The following KREMEN2 variants were observed in gnomAD, a reference collection of about 807,000 sequenced individuals.
KREMEN2 encodes kringle containing transmembrane protein 2.
KREMEN2 carries 43 observed loss-of-function variants against 49.8 expected under a neutral mutation model. That is an observed-to-expected ratio of 0.86 (90% CI 0.68 to 1.11). The LOEUF (loss-of-function observed/expected upper bound fraction) is 1.11, where lower values mean the gene tolerates loss of function less well. Ranked by LOEUF, KREMEN2 falls within the 50% of genes most tolerant of loss-of-function variation. The probability of loss-of-function intolerance (pLI) is 0.00; values close to 1 mark genes in which losing one functional copy is unlikely to be tolerated. For synonymous variants in KREMEN2, 355 were observed against 304.9 expected (o/e 1.16, Z -1.71); for missense variants, 686 against 665.7 (o/e 1.03, Z -0.34).
At position 2,968,280 on chromosome 16, in the gene KREMEN2, C is replaced by G. The variant is rs1394515951; in HGVS notation, c.*260C>G. 35 of 1,332,004 alleles carry G rather than the reference C, an allele frequency of 2.6e-5. No homozygotes were observed. The highest frequency in any genetic ancestry group is 3.6e-5 in the Non-Finnish European group (35 of 964,370). The allele number at this position is 1,332,004 out of a possible 1,614,324, so 82.5% of individuals were successfully genotyped here. A position where few individuals can be genotyped will look rare whatever the true frequency, so the allele number is the denominator to read the frequency against. ...TGGTTTCGGAGGTCTTTGAACCCCT[C>G]TGGGGGTGGTCCTGGACTGCCGTCC... On this transcript the variant is annotated 3_prime_UTR_variant, in exon 9 of 9. Coordinates refer to ENST00000303746, the MANE Select transcript of KREMEN2 (RefSeq NM_172229.3).
Position 2,967,041 on chromosome 16 carries a change from C to T in KREMEN2, c.772C>T (p.Leu258Phe), listed in dbSNP as rs1179046517. ...ALGPPGAALE[L>F]TFRLFELADP... ...GGGCCCGCCAGGCGCCGCGCTGGAG[C>T]TCACCTTCCGCCTCTTCGAGCTGGC... The change falls in exon 6 of 9, where the codon CTC (leucine) becomes TTC (phenylalanine). Residue 258 changes from leucine to phenylalanine, a missense_variant. By Grantham distance (22) the Leu-to-Phe change is conservative. Coordinates refer to ENST00000303746, the MANE Select transcript of KREMEN2 (RefSeq NM_172229.3). 1 of 1,541,660 alleles carries T rather than the reference C, an allele frequency of 6.5e-7. No homozygotes were observed. The highest frequency in any genetic ancestry group is 1.2e-5 in the South Asian group (1 of 83,722).
chr16:2,964,465 C>G lies in KREMEN2; in HGVS notation c.-56C>G, dbSNP rs940080163. The G allele has an allele frequency of 7.3e-6, 10 of 1,360,988 alleles. No homozygotes were observed. In the Admixed American group the frequency reaches 2.1e-4, roughly 29 times the overall value. 84.3% of individuals were successfully genotyped at this position (1,360,988 alleles called of 1,614,324 possible). ...TCTCCTGGGAGACCCCGAAGCGACC[C>G]CGGGGGCAGCCCGGGCCGTGTCCGG... On this transcript the variant is annotated 5_prime_UTR_variant, in exon 1 of 9. Coordinates refer to ENST00000303746, the MANE Select transcript of KREMEN2 (RefSeq NM_172229.3).
chr16:2,967,394 G>T lies in KREMEN2; in HGVS notation c.1048G>T (p.Ala350Ser). Reference sequence around the variant, plus strand: ...GACCCCCGCGGCGCCCCTCGACGGGGCCAACGTGAGCTGCAGCCCCAGGCC... The same window carrying T: ...GACCCCCGCGGCGCCCCTCGACGGGTCCAACGTGAGCTGCAGCCCCAGGCC... ...AQTPAAPLDG[A>S]NVSCSPRPGA... is the part of the protein sequence containing the mutation. Residue 350 changes from alanine to serine, a missense_variant, in exon 7 of 9, where the codon GCC (alanine) becomes TCC (serine). Physicochemically the swap from Ala to Ser is moderately conservative, Grantham distance 99. Transcript: ENST00000303746. 7.1e-7 allele frequency: 1 copy of T among 1,398,994 alleles called. No individual in the cohort carries two copies. The highest frequency in any genetic ancestry group is 9.2e-7 in the Non-Finnish European group (1 of 1,088,970). 86.7% of individuals were successfully genotyped at this position (1,398,994 alleles called of 1,614,324 possible). A position where few individuals can be genotyped will look rare whatever the true frequency, so the allele number is the denominator to read the frequency against.
At position 2,966,511 on chromosome 16, in the gene KREMEN2, C is replaced by A; in HGVS notation, c.486+62C>A. ...TGGACCTAAAGACCACACTCAACTCCCAACACTCGGTTGCCAAACCCAGAC... is the reference window on the plus strand; with the variant it reads ...TGGACCTAAAGACCACACTCAACTCACAACACTCGGTTGCCAAACCCAGAC... On this transcript the variant is annotated intron_variant, in intron 4 of 8. Coordinates refer to ENST00000303746, the MANE Select transcript of KREMEN2 (RefSeq NM_172229.3). The surrounding 1 kb of genome is among the most constrained non-coding windows in gnomAD (Gnocchi z 8.4). 2 of 1,599,372 alleles carry A rather than the reference C, an allele frequency of 1.3e-6. No individual in the cohort carries two copies. The highest frequency in any genetic ancestry group is 1.7e-6 in the Non-Finnish European group (2 of 1,175,914).
Position 2,968,124 on chromosome 16 carries a change from G to T in KREMEN2, c.*104G>T. 8.2e-7 allele frequency: 1 copy of T among 1,220,776 alleles called. No individual in the cohort carries two copies. Among genetic ancestry groups the T allele is most frequent in the East Asian group, 2.5e-5 (1 of 39,454 alleles). 75.6% of individuals were successfully genotyped at this position (1,220,776 alleles called of 1,614,324 possible). ...CTTGCGCCTGTGTAGGGGCAGCTCG[G>T]CCTCTGGTCGCCTTGGGGAGACCAA... On this transcript the variant is annotated 3_prime_UTR_variant, in exon 9 of 9. Coordinates refer to ENST00000303746, the MANE Select transcript of KREMEN2 (RefSeq NM_172229.3).
Position 2,967,530 on chromosome 16 carries a change from GGTCTTCTCGACGGTGACGGCT to G in KREMEN2, c.1109_1129del (p.Phe370_Val376del). On this transcript the variant is annotated inframe_deletion, in exon 8 of 9. Coordinates refer to ENST00000303746, the MANE Select transcript of KREMEN2 (RefSeq NM_172229.3). Reference sequence around the variant, plus strand: ...ACCGCAGCCGTGTGCCCGCAGCCCGGGTCTTCTCGACGGTGACGGCTGTCTCGGTGCTGCTGCTGCTGCTCC... The same window carrying G: ...ACCGCAGCCGTGTGCCCGCAGCCCGGGTCTCGGTGCTGCTGCTGCTGCTCC... 6.5e-7 allele frequency: 1 copy of G among 1,531,420 alleles called. No individual in the cohort carries two copies. The highest frequency in any genetic ancestry group is 8.7e-7 in the Non-Finnish European group (1 of 1,145,256). 94.9% of individuals were successfully genotyped at this position (1,531,420 alleles called of 1,614,324 possible). A position where few individuals can be genotyped will look rare whatever the true frequency, so the allele number is the denominator to read the frequency against.
intron 2 of KREMEN2, 21 bp downstream of exon 2, chr16:2,965,054 T>C (rs1596424570): frequency 2.7e-6 from 4 of 1,499,500 alleles, no homozygotes; most frequent in Non-Finnish European, 3.5e-6. Context: ...GGGCCTGCGC[T>C]GGGGGCGAGG....
chr16:2,965,043 G>C lies in KREMEN2; in HGVS notation c.269+10G>C. 3 of 1,524,194 alleles carry C rather than the reference G, an allele frequency of 2.0e-6. No homozygotes were observed. The highest frequency in any genetic ancestry group is 2.6e-6 in the Non-Finnish European group (3 of 1,139,492). The allele number at this position is 1,524,194 out of a possible 1,614,324, so 94.4% of individuals were successfully genotyped here. ...CGCACAACTTCTGCCGGTGAGGGGC[G>C]GGGCCTGCGCTGGGGGCGAGGCTGG... On this transcript the variant is annotated intron_variant, in intron 2 of 8. Transcript: ENST00000303746.
rs539373041 is a variant in KREMEN2 at position 2,964,406 on chromosome 16, G to C, written c.-115G>C. The C allele has an allele frequency of 1.4e-6, 1 of 704,146 alleles. No individual in the cohort carries two copies. The highest frequency in any genetic ancestry group is 2.4e-6 in the Non-Finnish European group (1 of 418,738). The allele number at this position is 704,146 out of a possible 1,614,324, so 43.6% of individuals were successfully genotyped here. A position where few individuals can be genotyped will look rare whatever the true frequency, so the allele number is the denominator to read the frequency against. On this transcript the variant is annotated 5_prime_UTR_variant, in exon 1 of 9. Coordinates refer to ENST00000303746, the MANE Select transcript of KREMEN2 (RefSeq NM_172229.3). ...CGGAAAGCGCGGCTCAGAGTCGGAC[G>C]AGGGGAGACTGTCAGAGGACAACGC...
Position 2,966,976 on chromosome 16 carries a change from C to T in KREMEN2, c.707C>T (p.Pro236Leu), listed in dbSNP as rs768202280. ...GGCGTCATCTACTCCCCGGACTTCC[C>T]GGACGAGTACGGGCCGGACCGGAAC... The part of the protein sequence containing the change: ...PQGVIYSPDF[P>L]DEYGPDRNCS... The change falls in exon 6 of 9, where the codon CCG becomes CTG. Residue 236 changes from proline to leucine, a missense_variant. By Grantham distance (98) the Pro-to-Leu change is moderately conservative (BLOSUM62 -3). Coordinates refer to ENST00000303746, the MANE Select transcript of KREMEN2 (RefSeq NM_172229.3). This position sits in a 1 kb window ranked among gnomAD's most constrained non-coding sequence, Gnocchi z 8.4. The T allele has an allele frequency of 1.3e-6, 2 of 1,554,806 alleles. No individual in the cohort carries two copies. Among genetic ancestry groups the T allele is most frequent in the South Asian group, 2.4e-5 (2 of 84,780 alleles).
chr16:2,968,254 C>G lies in KREMEN2; in HGVS notation c.*234C>G, dbSNP rs2071881667. ...ATGGACCTGTATGTGGGGGTGGTCT[C>G]TGGTTTCGGAGGTCTTTGAACCCCT... On this transcript the variant is annotated 3_prime_UTR_variant, in exon 9 of 9. Coordinates refer to ENST00000303746, the MANE Select transcript of KREMEN2 (RefSeq NM_172229.3). 3 of 1,068,682 alleles carry G rather than the reference C, an allele frequency of 2.8e-6. No individual in the cohort carries two copies. Among genetic ancestry groups the G allele is most frequent in the South Asian group, 2.9e-5 (2 of 70,050 alleles). The allele number at this position is 1,068,682 out of a possible 1,614,324, so 66.2% of individuals were successfully genotyped here. A position where few individuals can be genotyped will look rare whatever the true frequency, so the allele number is the denominator to read the frequency against.
Position 2,968,379 on chromosome 16 carries a change from T to C in KREMEN2, c.*359T>C, listed in dbSNP as rs1468420373. On this transcript the variant is annotated 3_prime_UTR_variant, in exon 9 of 9. Coordinates refer to ENST00000303746, the MANE Select transcript of KREMEN2 (RefSeq NM_172229.3). The stretch of plus-strand genomic sequence containing the variant: ...ATTTTGAATAAAGGATCTACTTTGG[T>C]ACGGGCCTCGAAAGTTCTTCCGTGG... 17 of 1,535,572 alleles carry C rather than the reference T, an allele frequency of 1.1e-5. No homozygotes were observed. The highest frequency in any genetic ancestry group is 1.2e-5 in the Non-Finnish European group (14 of 1,146,860).
In KREMEN2 at chr16:2,966,964, C is replaced by A; in HGVS notation, c.695C>A (p.Ser232Tyr). 6.4e-7 allele frequency: 1 copy of A among 1,556,868 alleles called. No individual in the cohort carries two copies. The highest frequency in any genetic ancestry group is 8.7e-7 in the Non-Finnish European group (1 of 1,150,380). Residue 232 changes from serine (S) to tyrosine (Y), a missense_variant, in exon 6 of 9, where the codon TCC becomes TAC. Physicochemically the swap from Ser to Tyr is moderately radical, Grantham distance 144. Transcript: ENST00000303746. The surrounding 1 kb of genome is among the most constrained non-coding windows in gnomAD (Gnocchi z 8.4). ...NWTAPQGVIY[S>Y]PDFPDEYGPD... ...ACAGCGCCTCAGGGCGTCATCTACT[C>A]CCCGGACTTCCCGGACGAGTACGGG...
Position 2,967,342 on chromosome 16 carries a change from C to T in KREMEN2, c.996C>T (p.Asp332=), listed in dbSNP as rs1202306330. The T allele has an allele frequency of 1.1e-5, 16 of 1,407,554 alleles. No homozygotes were observed. The highest frequency in any genetic ancestry group is 1.5e-5 in the Non-Finnish European group (16 of 1,092,254). 87.2% of individuals were successfully genotyped at this position (1,407,554 alleles called of 1,614,324 possible). A position where few individuals can be genotyped will look rare whatever the true frequency, so the allele number is the denominator to read the frequency against. ...TYRGLQDAAE[D]PEAPEGSAQT... is the part of the protein sequence containing the mutation. ...CAGGGCTGCAGGACGCCGCTGAGGA[C>T]CCAGAGGCCCCCGAGGGCTCGGCCC... Residue 332 remains aspartate (D), a synonymous_variant, in exon 7 of 9, where the codon GAC becomes GAT. Transcript: ENST00000303746.
chr16:2,967,472 G>A, intron 7 of KREMEN2, 27 bp downstream of exon 7: 1 of 1,467,670 alleles, frequency 6.8e-7, no homozygotes, highest in South Asian at 1.3e-5. Flanking sequence ...GGACGGGAGT[G>A]AGTCAGGGAG....
rs1272474488 is a variant in KREMEN2, at chr16:2,967,573, C to T, written c.1147C>T (p.Leu383Phe). The T allele has an allele frequency of 9.8e-6, 15 of 1,529,798 alleles. No individual in the cohort carries two copies. Among genetic ancestry groups the T allele is most frequent in the Admixed American group, 4.0e-5 (2 of 49,496 alleles). The allele number at this position is 1,529,798 out of a possible 1,614,324, so 94.8% of individuals were successfully genotyped here. ...GGCTGTCTCGGTGCTGCTGCTGCTG[C>T]TCCTGGGGCTGCTGCGTCCGCTGCG... ...VTAVSVLLLLLLGLLRPLRRR... is the reference protein window; with the variant it reads ...VTAVSVLLLLFLGLLRPLRRR... Residue 383 changes from leucine to phenylalanine, a missense_variant, in exon 8 of 9, where the codon CTC becomes TTC. Transcript: ENST00000303746.
Position 2,966,300 on chromosome 16 carries a change from C to G in KREMEN2, c.362-25C>G. On this transcript the variant is annotated intron_variant, in intron 3 of 8. Transcript: ENST00000303746. This position sits in a 1 kb window ranked among gnomAD's most constrained non-coding sequence, Gnocchi z 8.4. ...GGGAGGAGGGTTGTTTTCGGAGTCACGGAAGTCTGACTCTGCCCCCTCAGT... is the reference window on the plus strand; with the variant it reads ...GGGAGGAGGGTTGTTTTCGGAGTCAGGGAAGTCTGACTCTGCCCCCTCAGT... 3 of 1,612,876 alleles carry G rather than the reference C, an allele frequency of 1.9e-6. No homozygotes were observed. The highest frequency in any genetic ancestry group is 2.5e-6 in the Non-Finnish European group (3 of 1,179,886).
chr16:2,966,386 C>T lies in KREMEN2; in HGVS notation c.423C>T (p.Ser141=), dbSNP rs1015910195. 3 of 1,611,292 alleles carry T rather than the reference C, an allele frequency of 1.9e-6. No individual in the cohort carries two copies. Among genetic ancestry groups the T allele is most frequent in the Non-Finnish European group, 2.5e-6 (3 of 1,180,012 alleles). The part of the protein sequence containing the change: ...SGAPPALSGP[S]GTSTKLTVQV... The stretch of plus-strand genomic sequence containing the variant: ...CACCCCCAGCCCTCAGCGGCCCCAG[C>T]GGCACCTCCACGAAGCTCACGGTCC... Residue 141 remains serine, a synonymous_variant, in exon 4 of 9, where the codon AGC becomes AGT. Coordinates refer to ENST00000303746, the MANE Select transcript of KREMEN2 (RefSeq NM_172229.3). This position sits in a 1 kb window ranked among gnomAD's most constrained non-coding sequence, Gnocchi z 8.4.
chr16:2,964,815 C>A, intron 1 of KREMEN2, 44 bp from the exon 2 acceptor site: 1 of 1,592,170 alleles, frequency 6.3e-7, no homozygotes, highest in Non-Finnish European at 8.5e-7. Context: ...CGAGGATGCC[C>A]GGCGTGGGTC....
Sources: gnomAD v4.1 joint callset for allele counts on GRCh38, gnomAD v4.1.1 for gene constraint, Gnocchi (gnomAD v3.1) non-coding constraint, MANE v1.5 for transcripts, NCBI Gene and HGNC (gene_info 2026-07-23, HGNC 2026-07-21) for gene names.